The following TNRC6A variants were observed in gnomAD, a reference collection of about 807,000 sequenced individuals.
TNRC6A encodes trinucleotide repeat-containing gene 6A protein.
TNRC6A carries 44 observed loss-of-function variants against 221.2 expected under a neutral mutation model. The ratio of observed to expected loss-of-function variants is 0.20; its 90% CI spans 0.16 to 0.26. TNRC6A has a LOEUF of 0.26. Among genes scored for constraint, TNRC6A ranks in the 10% least tolerant of loss-of-function variants. The pLI is 1.00. For missense variants in TNRC6A, 2,199 were observed against 2,404.4 expected (o/e 0.91, Z 1.79); for synonymous variants, 847 against 838.5 (o/e 1.01, Z -0.18).
At chr16:24,730,221 G>GTTTTGT (rs771142952) in intron 1 of TNRC6A, 32 bp from the exon 2 acceptor site, 7 of 1,572,174 alleles carry the variant, frequency 4.5e-6, no homozygotes, top group Middle Eastern at 1.7e-4. Flanking sequence ...GTGTGTTTTT[G>GTTTTGT]TTTTGTTTTT....
rs2057295607 is a variant in TNRC6A at position 24,758,375 on chromosome 16, G to A, written c.163+15G>A. 6.2e-7 allele frequency: 1 copy of A among 1,609,448 alleles called. No individual in the cohort carries two copies. Reference sequence around the variant, plus strand: ...AAAAATCAAAGGTACGTTGTTTAAAGCTATTTTTTATCCCTTTTTTCATTA... The same window carrying A: ...AAAAATCAAAGGTACGTTGTTTAAAACTATTTTTTATCCCTTTTTTCATTA... On this transcript the variant is annotated intron_variant, in intron 4 of 24. Transcript: ENST00000395799.
chr16:24,612,887 C>G (rs1900125061), intron 1 of TNRC6A, among the ~76,000 whole-genome samples: 1 of 151,952 alleles, frequency 6.6e-6, no homozygotes, highest in Non-Finnish European at 1.5e-5. Context: ...AGTCATCACA[C>G]AAGATGATAT....
In TNRC6A at chr16:24,665,094, C is replaced by G. The variant is rs1020885155; in HGVS notation, n.402+24085C>G. On this transcript the variant is annotated intron_variant and non_coding_transcript_variant, in intron 2 of 2. Transcript: ENST00000566108. ...TGTTTATTTATGTTAGAGACAAGGTCTCACTCTGTTGCCTAGCCTGGAGTG... is the reference window on the plus strand; with the variant it reads ...TGTTTATTTATGTTAGAGACAAGGTGTCACTCTGTTGCCTAGCCTGGAGTG... 2.6e-5 allele frequency: 11 copies of G among 416,634 alleles called. 1 individual carries two copies. Among genetic ancestry groups the G allele is most frequent in the Non-Finnish European group, 4.4e-5 (9 of 205,156 alleles). 25.8% of individuals were successfully genotyped at this position (416,634 alleles called of 1,614,324 possible). A position where few individuals can be genotyped will look rare whatever the true frequency, so the allele number is the denominator to read the frequency against.
At chr16:24,632,132 T>C (rs1386226353) in intron 1 of TNRC6A, among the ~76,000 whole-genome samples, 1 of 152,132 alleles carries the variant, frequency 6.6e-6, no homozygotes, top group Non-Finnish European at 1.5e-5. Context: ...ATTACAGGTG[T>C]GAGCCACCAC....
intron 7 of TNRC6A, 64 bp downstream of exon 7, chr16:24,793,713 T>A: frequency 8.1e-7 from 1 of 1,239,968 alleles, no homozygotes; most frequent in South Asian, 3.2e-5. Context: ...TGACTATAAT[T>A]AAATAATTAG....
chr16:24,778,081 G>T (rs146099344), intron 5 of TNRC6A, among the ~76,000 whole-genome samples: 1 of 152,268 alleles, frequency 6.6e-6, no homozygotes, highest in African/African-American at 2.4e-5. Flanking sequence ...GGGAATGAAG[G>T]TGCCCATACA....
intron 2 of TNRC6A, among the ~76,000 whole-genome samples, chr16:24,692,266 G>A (rs1177445862): frequency 6.6e-6 from 1 of 152,106 alleles, no homozygotes; most frequent in Admixed American, 6.6e-5. Context: ...TCTGGAGATT[G>A]TAATTTTAAA....
chr16:24,785,785 G>A (rs1238633459), intron 5 of TNRC6A, among the ~76,000 whole-genome samples: 1 of 152,104 alleles, frequency 6.6e-6, no homozygotes, highest in Non-Finnish European at 1.5e-5. Flanking sequence ...CTCCTGCCTT[G>A]TGAAAGTGGC....
intron 22 of TNRC6A, among the ~76,000 whole-genome samples, chr16:24,821,235 C>T (rs1371503507): frequency 6.6e-6 from 1 of 152,172 alleles, no homozygotes; most frequent in Admixed American, 6.5e-5. Flanking sequence ...AGGCCGCAGA[C>T]ATCTGTCTGG....
At chr16:24,770,633 C>G (rs1255837339) in intron 4 of TNRC6A, among the ~76,000 whole-genome samples, 1 of 152,170 alleles carries the variant, frequency 6.6e-6, no homozygotes, top group Non-Finnish European at 1.5e-5. Flanking sequence ...TCTCCCGTCA[C>G]TCTGGCAGTT....
chr16:24,813,733 C>T (rs958251714), intron 18 of TNRC6A, among the ~76,000 whole-genome samples: 2 of 152,164 alleles, frequency 1.3e-5, no homozygotes, highest in Non-Finnish European at 1.5e-5. Flanking sequence ...GAACCTGTCA[C>T]GTAGGTTTTA....
At chr16:24,613,106 A>G (rs1222727661) in intron 1 of TNRC6A, among the ~76,000 whole-genome samples, 2 of 126,264 alleles carry the variant, frequency 1.6e-5, no homozygotes, top group Non-Finnish European at 3.2e-5. Context: ...ACAGAGTGAG[A>G]CTCTGTCTCA....
At chr16:24,740,632 A>G (rs975066033) in intron 2 of TNRC6A, among the ~76,000 whole-genome samples, 1 of 152,060 alleles carries the variant, frequency 6.6e-6, no homozygotes, top group South Asian at 2.1e-4. Context: ...GATTTTTTTT[A>G]AAGTTTTTTA....
At chr16:24,698,400 T>C (rs2055904952) in intron 2 of TNRC6A, among the ~76,000 whole-genome samples, 3 of 152,042 alleles carry the variant, frequency 2.0e-5, no homozygotes, top group Admixed American at 1.3e-4. Context: ...GAAATGATCA[T>C]AGGCAGTTGG....
At chr16:24,747,387 C>T (rs917288007) in intron 2 of TNRC6A, among the ~76,000 whole-genome samples, 8 of 151,888 alleles carry the variant, frequency 5.3e-5, no homozygotes, top group Non-Finnish European at 8.8e-5. Context: ...TTACAGACAA[C>T]GAGGTAGATT....
intron 2 of TNRC6A, among the ~76,000 whole-genome samples, chr16:24,712,494 A>G (rs777618279): frequency 6.6e-6 from 1 of 152,142 alleles, no homozygotes; most frequent in East Asian, 1.9e-4. Context: ...ATATGTTGTA[A>G]ACGCCTCAGT....
At chr16:24,794,987 G>T (rs2058188878) in intron 8 of TNRC6A, among the ~76,000 whole-genome samples, 2 of 152,088 alleles carry the variant, frequency 1.3e-5, no homozygotes, top group Admixed American at 6.5e-5. Context: ...TCCTAGGGTG[G>T]TGCCTGCAGT....
chr16:24,820,224 G>T lies in TNRC6A; in HGVS notation c.5166G>T (p.Leu1722Phe), dbSNP rs1009765045. The T allele has an allele frequency of 5.6e-6, 9 of 1,614,080 alleles. No individual in the cohort carries two copies. The highest frequency in any genetic ancestry group is 7.6e-6 in the Non-Finnish European group (9 of 1,180,014). Residue 1722 changes from leucine (L) to phenylalanine (F), a missense_variant, in exon 22 of 25, where the codon TTG becomes TTT. Leu to Phe is a conservative substitution (Grantham distance 22). This residue lies in a region of TNRC6A where 449 missense variants were observed against 579.7 expected (regional missense o/e 0.77). Coordinates refer to ENST00000395799, the MANE Select transcript of TNRC6A (RefSeq NM_014494.4). Reference protein sequence around the residue: ...SLAHELWKVPLPPKNITAPSR... With the variant: ...SLAHELWKVPFPPKNITAPSR... ...CTCATGAGCTGTGGAAGGTCCCTTT[G>T]CCACCTAAAAACATCACTGCTCCGT...
intron 1 of TNRC6A, among the ~76,000 whole-genome samples, chr16:24,638,940 A>G (rs1253380113): frequency 2.6e-5 from 4 of 152,228 alleles, no homozygotes; most frequent in Non-Finnish European, 5.9e-5. Flanking sequence ...GAGGTCAAGT[A>G]AAACAAGGAT....
Sources: allele counts gnomAD v4.1 joint callset (sites outside exome capture counted in the v4.1 genomes callset), GRCh38; gene constraint gnomAD v4.1.1; regional missense constraint gnomAD v4.1.1; transcripts MANE v1.5; gene names NCBI Gene and HGNC (gene_info 2026-07-23, HGNC 2026-07-21).